Variants in CDH22 observed in about 807,000 individuals in gnomAD.
CDH22 encodes cadherin-22.
In CDH22, 30 loss-of-function variants were observed where a neutral mutation model predicts 58.4. That is an observed-to-expected ratio of 0.51 (90% CI 0.38 to 0.70). CDH22 has a LOEUF of 0.70. CDH22 is among the 30% of genes least tolerant of loss of function. The probability of loss-of-function intolerance (pLI) is 0.00; values close to 1 mark genes in which losing one functional copy is unlikely to be tolerated. For synonymous variants in CDH22, 513 were observed against 558.2 expected (o/e 0.92, Z 1.14); for missense variants, 1,014 against 1,233.9 (o/e 0.82, Z 2.67).
At chr20:46,227,232 C>G (rs1023031767) in intron 4 of CDH22, among the ~76,000 whole-genome samples, 4 of 152,332 alleles carry the variant, frequency 2.6e-5, no homozygotes, top group African/African-American at 9.6e-5. Context: ...TTAGGGCACC[C>G]ACAGCGGCTG....
intron 1 of CDH22, among the ~76,000 whole-genome samples, chr20:46,295,794 G>A (rs554879004): frequency 2.6e-5 from 4 of 152,132 alleles, no homozygotes; most frequent in Non-Finnish European, 5.9e-5. Context: ...GCAGGGTCTC[G>A]CTCTGTCACC....
At chr20:46,212,540 T>C (rs1883554) in intron 6 of CDH22, among the ~76,000 whole-genome samples, 148,472 of 152,338 alleles carry the variant, frequency 0.97, 72,380 homozygotes, top group East Asian at 1. Flanking sequence ...TTGGAGTCAC[T>C]AGACCTGGGT....
At chr20:46,196,842 C>A (rs1440260708) in intron 8 of CDH22, among the ~76,000 whole-genome samples, 1 of 152,194 alleles carries the variant, frequency 6.6e-6, no homozygotes, top group Non-Finnish European at 1.5e-5. Flanking sequence ...TACTAAGCAC[C>A]AACCACTAGG....
chr20:46,289,499 C>A (rs145986744), intron 1 of CDH22, among the ~76,000 whole-genome samples: 1 of 152,288 alleles, frequency 6.6e-6, no homozygotes, highest in East Asian at 1.9e-4. Flanking sequence ...TTGAATGACT[C>A]GCATAGTTTT....
Position 46,241,178 on chromosome 20 carries a change from A to C in CDH22, c.335T>G (p.Ile112Ser). The C allele has an allele frequency of 6.2e-7, 1 of 1,614,118 alleles. No individual in the cohort carries two copies. The highest frequency in any genetic ancestry group is 8.5e-7 in the Non-Finnish European group (1 of 1,180,000). ...SGEGAGTIFLIDELTGDIHAM... is the reference protein window; with the variant it reads ...SGEGAGTIFLSDELTGDIHAM... ...ATGAATGTCGCCTGTCAGCTCGTCGATCAGGAAGATGGTCCCAGCACCCTC... is the reference window on the plus strand; with the variant it reads ...ATGAATGTCGCCTGTCAGCTCGTCGCTCAGGAAGATGGTCCCAGCACCCTC... The change falls in exon 3 of 12, where the codon ATC becomes AGC. Residue 112 changes from isoleucine to serine, a missense_variant. Physicochemically the swap from Ile to Ser is moderately radical, Grantham distance 142 (BLOSUM62 -2). This residue lies in a region of CDH22 where 806 missense variants were observed against 1,038.7 expected (regional missense o/e 0.78). Coordinates refer to ENST00000537909, the MANE Select transcript of CDH22 (RefSeq NM_021248.3). This position sits in a 1 kb window ranked among gnomAD's most constrained non-coding sequence, Gnocchi z 5.2.
At chr20:46,302,657 A>G (rs1014310747) in intron 1 of CDH22, among the ~76,000 whole-genome samples, 6 of 152,022 alleles carry the variant, frequency 3.9e-5, no homozygotes, top group Non-Finnish European at 8.8e-5. Flanking sequence ...CTCCTTCCTC[A>G]TGGCCTCAAA....
At chr20:46,291,691 G>A (rs992278539) in intron 1 of CDH22, among the ~76,000 whole-genome samples, 10 of 152,248 alleles carry the variant, frequency 6.6e-5, no homozygotes, top group South Asian at 2.1e-4. Flanking sequence ...ACACAGCCAG[G>A]TCTGCCTGAC....
rs6032709 is a variant in CDH22, at chr20:46,186,293, C to T, written c.1663+295G>A. Among the ~76,000 whole-genome samples the T allele has an allele frequency of 4.2e-3, 641 of 151,896 alleles. 7 individuals carry two copies. The highest frequency in any genetic ancestry group is 0.015 in the African/African-American group (613 of 41,390). ...GGCTTACTTCAGTCTCCACTCAGAA[C>T]GGGGGCTCTTTCCACCCTGGACTCT... On this transcript the variant is annotated intron_variant, in intron 10 of 11. Transcript: ENST00000537909.
chr20:46,242,441 C>T (rs552581735), intron 2 of CDH22, among the ~76,000 whole-genome samples: 1 of 152,242 alleles, frequency 6.6e-6, no homozygotes, highest in Non-Finnish European at 1.5e-5. Flanking sequence ...TCAGTTGCTT[C>T]ATCTGTAACA....
intron 5 of CDH22, among the ~76,000 whole-genome samples, chr20:46,215,157 C>T (rs1460422691): frequency 1.3e-5 from 2 of 152,208 alleles, no homozygotes; most frequent in Non-Finnish European, 2.9e-5. Context: ...AGCAATTTCA[C>T]TCCTCTGTAT....
At chr20:46,242,352 G>A (rs1047627586) in intron 2 of CDH22, among the ~76,000 whole-genome samples, 1 of 152,194 alleles carries the variant, frequency 6.6e-6, no homozygotes, top group South Asian at 2.1e-4. Flanking sequence ...GGAAGGGAGA[G>A]ACAGTGCAGC....
intron 10 of CDH22, among the ~76,000 whole-genome samples, chr20:46,179,792 T>C (rs980288561): frequency 6.6e-6 from 1 of 152,138 alleles, no homozygotes; most frequent in African/African-American, 2.4e-5. Flanking sequence ...TCCCAGCCCA[T>C]AGAAATGCTC....
Position 46,216,712 on chromosome 20 carries a change from G to A in CDH22, c.838+114C>T, listed in dbSNP as rs940088774. On this transcript the variant is annotated intron_variant, in intron 5 of 11. Transcript: ENST00000537909. The surrounding 1 kb of genome is among the most constrained non-coding windows in gnomAD (Gnocchi z 5.3). ...ACAGACAGACAGACAGAAAGAGAGG[G>A]GGAAGCCCTTCTTTTGGTGGGAAGT... The A allele has an allele frequency of 1.2e-5, 12 of 995,230 alleles. No individual in the cohort carries two copies. Among genetic ancestry groups the A allele is most frequent in the Admixed American group, 5.9e-5 (3 of 51,244 alleles). The allele number at this position is 995,230 out of a possible 1,614,324, so 61.6% of individuals were successfully genotyped here. A position where few individuals can be genotyped will look rare whatever the true frequency, so the allele number is the denominator to read the frequency against.
At chr20:46,234,580 C>A (rs1310690322) in intron 3 of CDH22, among the ~76,000 whole-genome samples, 1 of 152,206 alleles carries the variant, frequency 6.6e-6, no homozygotes, top group African/African-American at 2.4e-5. Flanking sequence ...ATGCTGCTCA[C>A]AGAGGAATTG....
intron 1 of CDH22, among the ~76,000 whole-genome samples, chr20:46,305,899 T>C (rs1330623440): frequency 6.6e-6 from 1 of 152,208 alleles, no homozygotes; most frequent in Non-Finnish European, 1.5e-5. Context: ...GAAAGACCAG[T>C]GCCTGGGGAA....
rs1450442099 is a variant in CDH22, at chr20:46,174,474, G to T, written c.*32C>A. The stretch of plus-strand genomic sequence containing the variant: ...GGGCCCCGGCGTGTGCTGGGCGGGT[G>T]AGCAGCCGCGCCCCGACGGCAGGGC... On this transcript the variant is annotated 3_prime_UTR_variant, in exon 12 of 12. Coordinates refer to ENST00000537909, the MANE Select transcript of CDH22 (RefSeq NM_021248.3). This position sits in a 1 kb window ranked among gnomAD's most constrained non-coding sequence, Gnocchi z 4.4. The T allele has an allele frequency of 7.2e-6, 10 of 1,397,098 alleles. No individual in the cohort carries two copies. The highest frequency in any genetic ancestry group is 5.1e-4 in the Middle Eastern group (2 of 3,926). 86.5% of individuals were successfully genotyped at this position (1,397,098 alleles called of 1,614,324 possible). A position where few individuals can be genotyped will look rare whatever the true frequency, so the allele number is the denominator to read the frequency against.
chr20:46,227,486 C>T, intron 4 of CDH22, 22 bp downstream of exon 4: 1 of 1,545,584 alleles, frequency 6.5e-7, no homozygotes. Flanking sequence ...GGCTCCGCCT[C>T]TGGCCCCGCC....
At position 46,300,404 on chromosome 20, in the gene CDH22, C is replaced by T. The variant is rs985899711; in HGVS notation, c.-400+7851G>A. Reference sequence around the variant, plus strand: ...ACCTGGATCCACCTGCTTCTGCTTCCCATCCATCAGCCTGCCCGGGCCCAT... The same window carrying T: ...ACCTGGATCCACCTGCTTCTGCTTCTCATCCATCAGCCTGCCCGGGCCCAT... On this transcript the variant is annotated intron_variant, in intron 1 of 11. Coordinates refer to ENST00000537909, the MANE Select transcript of CDH22 (RefSeq NM_021248.3). The surrounding 1 kb of genome is among the most constrained non-coding windows in gnomAD (Gnocchi z 4.4). Among the ~76,000 whole-genome samples the T allele has an allele frequency of 1.5e-4, 23 of 152,268 alleles. No homozygotes were observed. Among genetic ancestry groups the T allele is most frequent in the African/African-American group, 5.5e-4 (23 of 41,556 alleles).
rs1451700675 is a variant in CDH22 at position 46,174,298 on chromosome 20, A to G, written c.*208T>C. ...CGCCTCAGTTTTAATGCCGTTGGTC[A>G]GAATCCCGCACCTCTGGGCTCCAAA... On this transcript the variant is annotated 3_prime_UTR_variant, in exon 12 of 12. Coordinates refer to ENST00000537909, the MANE Select transcript of CDH22 (RefSeq NM_021248.3). The surrounding 1 kb of genome is among the most constrained non-coding windows in gnomAD (Gnocchi z 4.4). 10 of 510,198 alleles carry G rather than the reference A, an allele frequency of 2.0e-5. No homozygotes were observed. The highest frequency in any genetic ancestry group is 3.4e-5 in the Non-Finnish European group (10 of 293,590). 31.6% of individuals were successfully genotyped at this position (510,198 alleles called of 1,614,324 possible). A position where few individuals can be genotyped will look rare whatever the true frequency, so the allele number is the denominator to read the frequency against.
Sources: gnomAD v4.1 joint callset for allele counts (sites outside exome capture counted in the v4.1 genomes callset) on GRCh38, gnomAD v4.1.1 for gene constraint, gnomAD v4.1.1 regional missense constraint, Gnocchi (gnomAD v3.1) non-coding constraint, MANE v1.5 for transcripts, NCBI Gene and HGNC (gene_info 2026-07-23, HGNC 2026-07-21) for gene names.